ABLIM2: variants seen among roughly 807,000 people sequenced by gnomAD.
The protein encoded by ABLIM2 is actin binding LIM protein family member 2.
Under a neutral mutation model 97.7 loss-of-function variants are expected in ABLIM2, and 53 were observed. The ratio of observed to expected loss-of-function variants is 0.54; its 90% CI spans 0.44 to 0.68. ABLIM2 has a LOEUF of 0.68. ABLIM2 is among the 30% of genes least tolerant of loss of function. The probability of loss-of-function intolerance (pLI) is 0.00; values close to 1 mark genes in which losing one functional copy is unlikely to be tolerated. For missense variants in ABLIM2, 835 were observed against 867.2 expected (o/e 0.96, Z 0.47); for synonymous variants, 361 against 345.8 (o/e 1.04, Z -0.49).
rs1821416237 is a variant in ABLIM2 at position 8,083,745 on chromosome 4, C to T, written c.455-2943G>A. On this transcript the variant is annotated intron_variant, in intron 4 of 20. Transcript: ENST00000447017. This position sits in a 1 kb window ranked among gnomAD's most constrained non-coding sequence, Gnocchi z 4.6. ...CTAGAGCTGTCAGCGGCAGGATGTCCCTAGCAGGGCAGAAGGGGCCCCAGG... is the reference window on the plus strand; with the variant it reads ...CTAGAGCTGTCAGCGGCAGGATGTCTCTAGCAGGGCAGAAGGGGCCCCAGG... Among the ~76,000 whole-genome samples, 1 of 152,204 alleles carries T rather than the reference C, an allele frequency of 6.6e-6. No homozygotes were observed. The highest frequency in any genetic ancestry group is 2.4e-5 in the African/African-American group (1 of 41,456).
At chr4:7,984,592 C>T (rs1014001701) in intron 18 of ABLIM2, among the ~76,000 whole-genome samples, 3 of 152,248 alleles carry the variant, frequency 2.0e-5, no homozygotes, top group African/African-American at 7.2e-5. Context: ...CCATACAATG[C>T]AGGACAGGGC....
At chr4:8,101,991 C>T (rs1834885497) in intron 2 of ABLIM2, among the ~76,000 whole-genome samples, 1 of 152,200 alleles carries the variant, frequency 6.6e-6, no homozygotes, top group Non-Finnish European at 1.5e-5. Context: ...GCCTAGGTGC[C>T]CGCACCTGCC....
At chr4:8,126,625 G>A (rs1350739166) in intron 1 of ABLIM2, among the ~76,000 whole-genome samples, 1 of 152,144 alleles carries the variant, frequency 6.6e-6, no homozygotes, top group Non-Finnish European at 1.5e-5. Flanking sequence ...TCAGGGAACT[G>A]CGGCATTCAT....
rs547234367 is a variant in ABLIM2 at position 8,124,042 on chromosome 4, G to T, written c.11-17405C>A. 6.6e-6 allele frequency among the ~76,000 whole-genome samples: 1 copy of T among 152,300 alleles called. No individual in the cohort carries two copies. The highest frequency in any genetic ancestry group is 1.9e-4 in the East Asian group (1 of 5,174). On this transcript the variant is annotated intron_variant, in intron 1 of 20. Transcript: ENST00000447017. This position sits in a 1 kb window ranked among gnomAD's most constrained non-coding sequence, Gnocchi z 6.1. ...TGAGACGACCACTCTTAACAGCTCA[G>T]CGGCTGCTCTACCATGTGCTTCTGT...
In ABLIM2 at chr4:8,155,831, C is replaced by T. The variant is rs983372686; in HGVS notation, c.10+2849G>A. 5.3e-5 allele frequency among the ~76,000 whole-genome samples: 8 copies of T among 151,534 alleles called. No homozygotes were observed. The highest frequency in any genetic ancestry group is 4.2e-4 in the South Asian group (2 of 4,778). On this transcript the variant is annotated intron_variant, in intron 1 of 20. Transcript: ENST00000447017. This position sits in a 1 kb window ranked among gnomAD's most constrained non-coding sequence, Gnocchi z 4.2. Reference sequence around the variant, plus strand: ...GACACAGACACACACAAAGGGAAGACGGGGCGAGGACACAGACACACACAA... The same window carrying T: ...GACACAGACACACACAAAGGGAAGATGGGGCGAGGACACAGACACACACAA...
chr4:8,016,282 G>A (rs1228473161), intron 14 of ABLIM2, among the ~76,000 whole-genome samples: 1 of 152,110 alleles, frequency 6.6e-6, no homozygotes, highest in Non-Finnish European at 1.5e-5. Flanking sequence ...GACCTCACGT[G>A]ATCCACCTGC....
In ABLIM2 at chr4:8,032,672, C is replaced by T. The variant is rs1053497047; in HGVS notation, c.1048-2896G>A. The T allele has an allele frequency of 1.2e-6, 2 of 1,612,450 alleles. No homozygotes were observed. The highest frequency in any genetic ancestry group is 3.3e-5 in the Admixed American group (2 of 59,992). ...CCTCGGTCGGCGTTGGCGAGAGCAA[C>T]TGAGGGGACTGTGGACACAACACAC... On this transcript the variant is annotated intron_variant, in intron 10 of 20. Transcript: ENST00000447017. This position sits in a 1 kb window ranked among gnomAD's most constrained non-coding sequence, Gnocchi z 4.3.
chr4:8,068,922 G>A lies in ABLIM2; in HGVS notation c.676-7868C>T, dbSNP rs557614340. Among the ~76,000 whole-genome samples, 11 of 152,378 alleles carry A rather than the reference G, an allele frequency of 7.2e-5. No individual in the cohort carries two copies. In the East Asian group the frequency reaches 2.1e-3, roughly 29 times the overall value. ...GAAACAAATGAAAGCTGTGAGCAGG[G>A]GATCCCCCTGGGGGTGTTTGGCGGC... is the stretch of plus-strand genomic sequence containing the variant. On this transcript the variant is annotated intron_variant, in intron 6 of 20. Transcript: ENST00000447017. The surrounding 1 kb of genome is among the most constrained non-coding windows in gnomAD (Gnocchi z 4.5).
At chr4:8,109,352 G>A (rs1839167928) in intron 1 of ABLIM2, among the ~76,000 whole-genome samples, 1 of 152,222 alleles carries the variant, frequency 6.6e-6, no homozygotes, top group African/African-American at 2.4e-5. Flanking sequence ...TTCATTTGAG[G>A]GCTAAGCGTA....
At chr4:8,018,352 G>C (rs890423638) in intron 14 of ABLIM2, among the ~76,000 whole-genome samples, 3 of 152,190 alleles carry the variant, frequency 2.0e-5, no homozygotes, top group East Asian at 1.9e-4. Flanking sequence ...CACTTACTGT[G>C]GCTGCTCCTT....
intron 1 of ABLIM2, among the ~76,000 whole-genome samples, chr4:8,107,761 G>A (rs1234099118): frequency 1.3e-5 from 2 of 152,228 alleles, no homozygotes; most frequent in Non-Finnish European, 2.9e-5. Context: ...TGGCCAGAGG[G>A]GCTTGCAGTT....
Position 8,058,429 on chromosome 4 carries a change from C to G in ABLIM2, c.763+2538G>C, listed in dbSNP as rs767934535. ...GGCCGCATGAGGTCATTCAACAGCCCGCAGGCACCTGCACGGCAGACGCTC... is the reference window on the plus strand; with the variant it reads ...GGCCGCATGAGGTCATTCAACAGCCGGCAGGCACCTGCACGGCAGACGCTC... On this transcript the variant is annotated intron_variant, in intron 7 of 20. Coordinates refer to ENST00000447017, the MANE Select transcript of ABLIM2 (RefSeq NM_001130083.2). The surrounding 1 kb of genome is among the most constrained non-coding windows in gnomAD (Gnocchi z 4.2). Among the ~76,000 whole-genome samples the G allele has an allele frequency of 1.3e-5, 2 of 152,222 alleles. No individual in the cohort carries two copies. Among genetic ancestry groups the G allele is most frequent in the African/African-American group, 4.8e-5 (2 of 41,464 alleles).
chr4:8,107,982 A>G (rs1838305448), intron 1 of ABLIM2, among the ~76,000 whole-genome samples: 1 of 152,198 alleles, frequency 6.6e-6, no homozygotes, highest in African/African-American at 2.4e-5. Context: ...GGAACTAGAA[A>G]AGGCAAGGAA....
rs181566638 is a variant in ABLIM2 at position 8,043,327 on chromosome 4, T to C, written c.900+1837A>G. Among the ~76,000 whole-genome samples the C allele has an allele frequency of 5.8e-4, 89 of 152,318 alleles. No homozygotes were observed. Among genetic ancestry groups the C allele is most frequent in the African/African-American group, 2.0e-3 (83 of 41,584 alleles). On this transcript the variant is annotated intron_variant, in intron 9 of 20. Coordinates refer to ENST00000447017, the MANE Select transcript of ABLIM2 (RefSeq NM_001130083.2). This position sits in a 1 kb window ranked among gnomAD's most constrained non-coding sequence, Gnocchi z 4.8. Reference sequence around the variant, plus strand: ...TTTCAATGGGTGAGGAAACAGACCATACCTTTGTGCGCCTACACAAACATG... The same window carrying C: ...TTTCAATGGGTGAGGAAACAGACCACACCTTTGTGCGCCTACACAAACATG...
rs77508307 is a variant in ABLIM2, at chr4:8,095,784, G to A, written c.338+1315C>T. Among the ~76,000 whole-genome samples the A allele has an allele frequency of 0.028, 4,233 of 152,202 alleles. 174 individuals are homozygous for A. The highest frequency in any genetic ancestry group is 0.096 in the African/African-American group (3,969 of 41,532). ...TCTTCTGGATGAGACGCGACCTTTT[G>A]GTGTCCACACTGCATGCCCTGGGGT... On this transcript the variant is annotated intron_variant, in intron 3 of 20. Coordinates refer to ENST00000447017, the MANE Select transcript of ABLIM2 (RefSeq NM_001130083.2). This position sits in a 1 kb window ranked among gnomAD's most constrained non-coding sequence, Gnocchi z 4.7.
At chr4:7,989,320 C>A in intron 17 of ABLIM2, 1 of 771,530 alleles carries the variant, frequency 1.3e-6, no homozygotes, top group East Asian at 1.3e-4. Context: ...CTCAAGTGAT[C>A]CACCCACCTC....
intron 9 of ABLIM2, among the ~76,000 whole-genome samples, chr4:8,041,601 TA>T (rs1193277449): frequency 0.025 from 3,483 of 137,292 alleles, 32 homozygotes; most frequent in African/African-American, 0.041. Flanking sequence ...CCAGTTTGTT[TA>T]AAAAAAAAAA....
chr4:8,068,413 G>A lies in ABLIM2; in HGVS notation c.676-7359C>T, dbSNP rs1325979481. The stretch of plus-strand genomic sequence containing the variant: ...TCCTCAGCCAGTGCTGGGTCAGAGG[G>A]CAGCGGTTTAAGGGACGTCCCCACT... On this transcript the variant is annotated intron_variant, in intron 6 of 20. Coordinates refer to ENST00000447017, the MANE Select transcript of ABLIM2 (RefSeq NM_001130083.2). This position sits in a 1 kb window ranked among gnomAD's most constrained non-coding sequence, Gnocchi z 4.5. 6.6e-6 allele frequency among the ~76,000 whole-genome samples: 1 copy of A among 152,166 alleles called. No homozygotes were observed. The highest frequency in any genetic ancestry group is 1.5e-5 in the Non-Finnish European group (1 of 68,032).
At chr4:8,011,736 T>C (rs2150531882) in intron 14 of ABLIM2, among the ~76,000 whole-genome samples, 1 of 152,366 alleles carries the variant, frequency 6.6e-6, no homozygotes, top group South Asian at 2.1e-4. Context: ...CAGCTCCTTC[T>C]GAGTTCTGGA....
Sources: gnomAD v4.1 joint callset for allele counts (sites outside exome capture counted in the v4.1 genomes callset) on GRCh38, gnomAD v4.1.1 for gene constraint, Gnocchi (gnomAD v3.1) non-coding constraint, MANE v1.5 for transcripts, NCBI Gene and HGNC (gene_info 2026-07-23, HGNC 2026-07-21) for gene names.